SUCO: variants seen among roughly 807,000 people sequenced by gnomAD.
SUCO encodes the protein SUN domain containing ossification factor, also known as SUN domain-containing ossification factor.
SUCO carries 57 observed loss-of-function variants against 148.1 expected under a neutral mutation model. The observed-to-expected ratio is 0.38, with a 90% confidence interval of 0.31 to 0.48. The LOEUF (loss-of-function observed/expected upper bound fraction) is 0.48, where lower values mean the gene tolerates loss of function less well. Ranked by LOEUF, SUCO falls within the 20% of genes least tolerant of loss-of-function variation. The pLI, the probability that SUCO is intolerant of heterozygous loss-of-function variation, is 0.96. For synonymous variants in SUCO, 470 were observed against 502.7 expected, an observed-to-expected ratio of 0.93 and a Z score of 0.87; for missense variants, 1,331 against 1,468.2, an observed-to-expected ratio of 0.91 and a Z score of 1.53.
intron 1 of SUCO, among the ~76,000 whole-genome samples, chr1:172,539,995 G>A (rs1202480342): frequency 6.6e-6 from 1 of 152,140 alleles, no homozygotes; most frequent in Non-Finnish European, 1.5e-5. Flanking sequence ...TTGTTAATAT[G>A]AACATTTATT....
intron 5 of SUCO, 71 bp from the exon 6 acceptor site, chr1:172,557,573 G>T: frequency 2.7e-6 from 4 of 1,480,584 alleles, no homozygotes; most frequent in Non-Finnish European, 3.6e-6. Context: ...TGAGTTCAAA[G>T]AATTTAGATT....
chr1:172,546,883 C>G (rs1342798808), intron 1 of SUCO, among the ~76,000 whole-genome samples: 2 of 152,218 alleles, frequency 1.3e-5, no homozygotes, highest in Non-Finnish European at 2.9e-5. Context: ...GCACCCCAGC[C>G]TGGGTGATAG....
At chr1:172,598,012 G>A (rs1219746663) in intron 19 of SUCO, among the ~76,000 whole-genome samples, 3 of 152,078 alleles carry the variant, frequency 2.0e-5, no homozygotes, top group Non-Finnish European at 2.9e-5. Context: ...TTTGCCTAAC[G>A]CAAAATCACA....
chr1:172,602,317 T>C (rs1049026569), intron 21 of SUCO, 99 bp downstream of exon 21: 2 of 1,390,954 alleles, frequency 1.4e-6, no homozygotes, highest in Non-Finnish European at 9.5e-7. Context: ...AGGTAATTTC[T>C]TTCCCTATAT....
At position 172,601,192 on chromosome 1, in the gene SUCO, T is replaced by C. The variant is rs544554358; in HGVS notation, c.3019-872T>C. ...GGAGCAGAAGCAGACAGGAAACCAATTAAGAGGTAATTGCAGGCCAGGCAT... is the reference window on the plus strand; with the variant it reads ...GGAGCAGAAGCAGACAGGAAACCAACTAAGAGGTAATTGCAGGCCAGGCAT... On this transcript the variant is annotated intron_variant, in intron 20 of 23. Transcript: ENST00000263688. Among the ~76,000 whole-genome samples, 3 of 152,216 alleles carry C rather than the reference T, an allele frequency of 2.0e-5. No individual in the cohort carries two copies. In the East Asian group the frequency reaches 5.8e-4, roughly 29 times the overall value.
At position 172,589,744 on chromosome 1, in the gene SUCO, G is replaced by A; in HGVS notation, c.2643G>A (p.Gln881=). ...AAGATGCCCTTTTGAGAGGGTTACA[G>A]AGGACAGCTACAGATTTTTATGCTG... The part of the protein sequence containing the change: ...SPEDALLRGL[Q]RTATDFYAEL... The change falls in exon 18 of 24, where the codon CAG becomes CAA. Residue 881 remains glutamine, a synonymous_variant. Transcript: ENST00000263688. 2 of 1,613,044 alleles carry A rather than the reference G, an allele frequency of 1.2e-6. No individual in the cohort carries two copies. Among genetic ancestry groups the A allele is most frequent in the Non-Finnish European group, 1.7e-6 (2 of 1,179,516 alleles).
intron 9 of SUCO, 70 bp downstream of exon 9, chr1:172,570,800 G>C (rs940254534): frequency 2.3e-5 from 21 of 915,898 alleles, no homozygotes; most frequent in African/African-American, 3.4e-5. Context: ...TTTTACATTA[G>C]GGTTACATTG....
At chr1:172,590,710 A>ATGTG (rs554654029) in intron 18 of SUCO, among the ~76,000 whole-genome samples, 1 of 151,626 alleles carries the variant, frequency 6.6e-6, no homozygotes, top group Non-Finnish European at 1.5e-5. Flanking sequence ...TTGGCTAATC[A>ATGTG]TGTGTGTGTG....
At chr1:172,538,079 A>G (rs753566895) in intron 1 of SUCO, among the ~76,000 whole-genome samples, 24 of 152,112 alleles carry the variant, frequency 1.6e-4, no homozygotes, top group Non-Finnish European at 3.1e-4. Flanking sequence ...TCTAATTCTA[A>G]CCACCTGACA....
chr1:172,553,293 T>C lies in SUCO; in HGVS notation c.211T>C (p.Leu71=), dbSNP rs769882902. The change falls in exon 3 of 24, where the codon TTG becomes CTG. Residue 71 remains leucine, a synonymous_variant. Coordinates refer to ENST00000263688, the MANE Select transcript of SUCO (RefSeq NM_014283.5). The part of the protein sequence containing the change: ...EREGPINAES[L]GKSGSNLPIS... Reference sequence around the variant, plus strand: ...AGAGGGACCTATCAATGCCGAATCATTGGGAAAATCAGGTTCAAATTTACC... The same window carrying C: ...AGAGGGACCTATCAATGCCGAATCACTGGGAAAATCAGGTTCAAATTTACC... The C allele has an allele frequency of 6.3e-7, 1 of 1,599,966 alleles. No homozygotes were observed. Among genetic ancestry groups the C allele is most frequent in the Admixed American group, 1.7e-5 (1 of 59,218 alleles).
intron 19 of SUCO, among the ~76,000 whole-genome samples, chr1:172,595,541 A>G (rs1043789208): frequency 6.6e-6 from 1 of 152,170 alleles, no homozygotes; most frequent in Non-Finnish European, 1.5e-5. Context: ...TATGAAGCTT[A>G]GTTTGGCTGG....
chr1:172,560,041 G>A (rs1315524946), intron 6 of SUCO, among the ~76,000 whole-genome samples: 1 of 152,192 alleles, frequency 6.6e-6, no homozygotes, highest in Non-Finnish European at 1.5e-5. Flanking sequence ...TGAGTTTACA[G>A]TGTAGGCCCT....
chr1:172,561,145 G>A (rs528724662), intron 6 of SUCO, among the ~76,000 whole-genome samples: 2 of 152,242 alleles, frequency 1.3e-5, no homozygotes, highest in Non-Finnish European at 2.9e-5. Flanking sequence ...AGCTAGAGTT[G>A]TATTCAGAGC....
chr1:172,578,391 T>G lies in SUCO; in HGVS notation c.1432+2T>G. The G allele has an allele frequency of 6.2e-7, 1 of 1,608,142 alleles. No individual in the cohort carries two copies. Among genetic ancestry groups the G allele is most frequent in the Non-Finnish European group, 8.5e-7 (1 of 1,175,318 alleles). On this transcript the variant is annotated splice_donor_variant, in intron 14 of 23. Coordinates refer to ENST00000263688, the MANE Select transcript of SUCO (RefSeq NM_014283.5). LOFTEE classifies it high-confidence loss of function. ...AGGAACTATTTGATGAGGACTATGGTAAGTGACATCAAACAGATGACTGTT... is the reference window on the plus strand; with the variant it reads ...AGGAACTATTTGATGAGGACTATGGGAAGTGACATCAAACAGATGACTGTT...
At chr1:172,558,817 G>A (rs1286026119) in intron 6 of SUCO, among the ~76,000 whole-genome samples, 1 of 152,164 alleles carries the variant, frequency 6.6e-6, no homozygotes, top group Non-Finnish European at 1.5e-5. Flanking sequence ...TTATAATAAT[G>A]TCAAATGTAA....
Position 172,555,895 on chromosome 1 carries a change from A to G in SUCO, c.315A>G (p.Pro105=), listed in dbSNP as rs1054256490. ...VQNTESKKLS[P]PVVETLPTVD... is the part of the protein sequence containing the mutation. The stretch of plus-strand genomic sequence containing the variant: ...ATACAGAGTCAAAAAAGTTAAGTCC[A>G]CCGGTGGTGGAGACACTCCCTACAG... Residue 105 remains proline (P), a synonymous_variant, in exon 4 of 24, where the codon CCA becomes CCG. Transcript: ENST00000263688. The G allele has an allele frequency of 3.1e-6, 5 of 1,612,500 alleles. No individual in the cohort carries two copies. The highest frequency in any genetic ancestry group is 3.4e-6 in the Non-Finnish European group (4 of 1,179,164).
chr1:172,554,898 C>T (rs780126849), intron 3 of SUCO, among the ~76,000 whole-genome samples: 1 of 151,948 alleles, frequency 6.6e-6, no homozygotes, highest in Non-Finnish European at 1.5e-5. Context: ...GTGAATTTCT[C>T]GGTGTAAATA....
intron 7 of SUCO, 124 bp downstream of exon 7, chr1:172,569,266 C>T: frequency 1.8e-6 from 2 of 1,093,556 alleles, no homozygotes; most frequent in Non-Finnish European, 2.4e-6. Flanking sequence ...AAAGGTGAAA[C>T]TTAACCAAGT....
intron 6 of SUCO, among the ~76,000 whole-genome samples, chr1:172,560,027 C>T (rs945206173): frequency 6.6e-6 from 1 of 152,180 alleles, no homozygotes; most frequent in Non-Finnish European, 1.5e-5. Context: ...TAACTGCTTC[C>T]TGCTGAGTTT....
Sources: gnomAD v4.1 joint callset for allele counts (sites outside exome capture counted in the v4.1 genomes callset) on GRCh38, gnomAD v4.1.1 for gene constraint, MANE v1.5 for transcripts, NCBI Gene and HGNC (gene_info 2026-07-23, HGNC 2026-07-21) for gene names.